HEXD: variants seen among roughly 807,000 people sequenced by gnomAD.
HEXD encodes N-acetyl-beta-galactosaminidase.
Under a neutral mutation model 54.2 loss-of-function variants are expected in HEXD, and 47 were observed. The observed-to-expected ratio is 0.87, with a 90% confidence interval of 0.69 to 1.11. HEXD has a LOEUF of 1.11. Among genes scored for constraint, HEXD ranks in the 50% least tolerant of loss-of-function variants. HEXD has a pLI of 0.00. For missense variants in HEXD, 576 were observed against 649.2 expected (o/e 0.89, Z 1.23); for synonymous variants, 293 against 287.6 (o/e 1.02, Z -0.19).
rs1460292245 is a variant in HEXD, at chr17:82,441,184, C to T, written c.1081C>T (p.Pro361Ser). 3 of 1,613,114 alleles carry T rather than the reference C, an allele frequency of 1.9e-6. No homozygotes were observed. Among genetic ancestry groups the T allele is most frequent in the Non-Finnish European group, 1.7e-6 (2 of 1,179,988 alleles). Residue 361 changes from proline (P) to serine (S), a missense_variant, in exon 11 of 13, where the codon CCT becomes TCT. Pro to Ser is a moderately conservative substitution (Grantham distance 74, BLOSUM62 -1). Coordinates refer to ENST00000327949, the MANE Select transcript of HEXD (RefSeq NM_001330542.2). ...DPVREGAGSF[P>S]GSNILALVTQ... is the part of the protein sequence containing the mutation. The stretch of plus-strand genomic sequence containing the variant: ...CCGCAGGGAGGGGGCCGGCTCCTTC[C>T]CTGGCAGCAACATCCTTGCCCTTGT...
At position 82,439,678 on chromosome 17, in the gene HEXD, C is replaced by G; in HGVS notation, c.947C>G (p.Pro316Arg). The change falls in exon 9 of 13, where the codon CCG becomes CGG. Residue 316 changes from proline (P) to arginine (R), a missense_variant. Coordinates refer to ENST00000327949, the MANE Select transcript of HEXD (RefSeq NM_001330542.2). ...TGCGAGCTGCTGCCCGCAGGAGTCC[C>G]GTCCCTGGCCGCCTGCCTGCAGTTG... ...VLCELLPAGV[P>R]SLAACLQLLL... The G allele has an allele frequency of 6.3e-7, 1 of 1,598,472 alleles. No homozygotes were observed. The highest frequency in any genetic ancestry group is 8.5e-7 in the Non-Finnish European group (1 of 1,177,776).
At chr17:82,435,341 G>C (rs887902891) in intron 5 of HEXD, among the ~76,000 whole-genome samples, 1 of 152,110 alleles carries the variant, frequency 6.6e-6, no homozygotes, top group Non-Finnish European at 1.5e-5. Context: ...GTGCTCCTCC[G>C]GGCTGTCAGC....
rs531245506 is a variant in HEXD, at chr17:82,420,858, A to C, written c.84+975A>C. Among the ~76,000 whole-genome samples the C allele has an allele frequency of 2.6e-5, 4 of 151,982 alleles. No homozygotes were observed. In the South Asian group the frequency reaches 6.2e-4, roughly 24 times the overall value. On this transcript the variant is annotated intron_variant, in intron 2 of 12. Coordinates refer to ENST00000327949, the MANE Select transcript of HEXD (RefSeq NM_001330542.2). ...TAGGATTACAGGTGTGAGCCACCGC[A>C]CCCGGCCAAGCCACCCAGTTTATGG...
Position 82,442,232 on chromosome 17 carries a change from G to A in HEXD, c.1309G>A (p.Ala437Thr). The change falls in exon 13 of 13, where the codon GCT becomes ACT. Residue 437 changes from alanine (A) to threonine (T), a missense_variant. Transcript: ENST00000327949. This position sits in a 1 kb window ranked among gnomAD's most constrained non-coding sequence, Gnocchi z 6.8. ...VQELEAALQL[A>T]FYPDAVEEWL... ...GGAGCTGGAGGCTGCCCTGCAGCTG[G>A]CTTTCTACCCGGATGCCGTGGAGGA... 6.2e-7 allele frequency: 1 copy of A among 1,605,542 alleles called. No homozygotes were observed. Among genetic ancestry groups the A allele is most frequent in the Non-Finnish European group, 8.5e-7 (1 of 1,179,792 alleles).
intron 2 of HEXD, 55 bp downstream of exon 2, chr17:82,419,938 TAA>T: frequency 8.2e-7 from 1 of 1,221,346 alleles, no homozygotes; most frequent in Admixed American, 1.8e-5. Context: ...CTTCATTCTT[TAA>T]AGTTTTGAGC....
rs773422627 is a variant in HEXD at position 82,418,460 on chromosome 17, G to A, written c.-332G>A. On this transcript the variant is annotated 5_prime_UTR_variant, in exon 1 of 13. It introduces an in-frame stop codon into an upstream open reading frame of the 5' UTR. Coordinates refer to ENST00000327949, the MANE Select transcript of HEXD (RefSeq NM_001330542.2). The stretch of plus-strand genomic sequence containing the variant: ...CGCTCCGTTGCCCTCGGGCGCCTTG[G>A]TTGCGGCCCTCCGCTGAGGAGCCAT... 150 of 1,474,938 alleles carry A rather than the reference G, an allele frequency of 1.0e-4. 4 individuals carry two copies. The South Asian group carries it at 1.7e-3, about 17-fold the overall frequency. 91.4% of individuals were successfully genotyped at this position (1,474,938 alleles called of 1,614,324 possible). A position where few individuals can be genotyped will look rare whatever the true frequency, so the allele number is the denominator to read the frequency against.
rs775790043 is a variant in HEXD at position 82,442,515 on chromosome 17, C to T, written c.*131C>T. The T allele has an allele frequency of 2.5e-6, 4 of 1,594,714 alleles. No homozygotes were observed. Among genetic ancestry groups the T allele is most frequent in the Non-Finnish European group, 3.4e-6 (4 of 1,164,394 alleles). ...AGCAGTGTCTTGCCCACACTCAGTT[C>T]CTGAGGGCCCTGGGCAGCCCCTGGG... On this transcript the variant is annotated 3_prime_UTR_variant, in exon 13 of 13. Coordinates refer to ENST00000327949, the MANE Select transcript of HEXD (RefSeq NM_001330542.2). This position sits in a 1 kb window ranked among gnomAD's most constrained non-coding sequence, Gnocchi z 6.8.
chr17:82,419,700 A>G, intron 1 of HEXD, 49 bp from the exon 2 acceptor site: 2 of 698,952 alleles, frequency 2.9e-6, no homozygotes, highest in Non-Finnish European at 5.0e-6. Context: ...GAGAAAGGCA[A>G]AGGGAGAAGC....
In HEXD at chr17:82,441,238, T is replaced by C; in HGVS notation, c.1135T>C (p.Ser379Pro). 1 of 1,612,408 alleles carries C rather than the reference T, an allele frequency of 6.2e-7. No homozygotes were observed. The highest frequency in any genetic ancestry group is 8.5e-7 in the Non-Finnish European group (1 of 1,179,802). The change falls in exon 11 of 13, where the codon TCT becomes CCT. Residue 379 changes from serine to proline, a missense_variant. Ser to Pro is a moderately conservative substitution (Grantham distance 74). Transcript: ENST00000327949. ...VTQVSLHLRSSVDALLEGNRY... is the reference protein window; with the variant it reads ...VTQVSLHLRSPVDALLEGNRY... Reference sequence around the variant, plus strand: ...ACAAGTCAGCCTCCATCTGCGCAGCTCTGTGGATGCGCTGCTGGAGGGCAA... The same window carrying C: ...ACAAGTCAGCCTCCATCTGCGCAGCCCTGTGGATGCGCTGCTGGAGGGCAA...
In HEXD at chr17:82,439,726, T is replaced by C. The variant is rs760058218; in HGVS notation, c.982+13T>C. The C allele has an allele frequency of 3.1e-6, 5 of 1,599,304 alleles. No homozygotes were observed. The highest frequency in any genetic ancestry group is 3.4e-6 in the Non-Finnish European group (4 of 1,179,694). ...TTGCTTCTACGCGGTATGTCTGGTC[T>C]GGCCACCCCAAGCCCCACCGGCCCC... On this transcript the variant is annotated intron_variant, in intron 9 of 12. Coordinates refer to ENST00000327949, the MANE Select transcript of HEXD (RefSeq NM_001330542.2).
Position 82,439,723 on chromosome 17 carries a change from G to C in HEXD, c.982+10G>C. 6.3e-7 allele frequency: 1 copy of C among 1,599,578 alleles called. No homozygotes were observed. Among genetic ancestry groups the C allele is most frequent in the African/African-American group, 1.3e-5 (1 of 75,026 alleles). On this transcript the variant is annotated intron_variant, in intron 9 of 12. Transcript: ENST00000327949. The stretch of plus-strand genomic sequence containing the variant: ...CAGTTGCTTCTACGCGGTATGTCTG[G>C]TCTGGCCACCCCAAGCCCCACCGGC...
chr17:82,425,393 G>A, intron 3 of HEXD: 1 of 172,588 alleles, frequency 5.8e-6, no homozygotes, highest in East Asian at 1.8e-4. Context: ...GGAGGCTGTA[G>A]AAGGCTGAGC....
chr17:82,428,821 A>G (rs2053496331), intron 4 of HEXD, among the ~76,000 whole-genome samples, 176 bp downstream of exon 4: 1 of 152,186 alleles, frequency 6.6e-6, no homozygotes, highest in Admixed American at 6.5e-5. Context: ...TGACTCGGCC[A>G]GAGCTGCAGG....
In HEXD at chr17:82,440,136, G is replaced by C. The variant is rs755433618; in HGVS notation, c.982+423G>C. 5.4e-6 allele frequency: 7 copies of C among 1,293,876 alleles called. No homozygotes were observed. In the South Asian group the frequency reaches 8.6e-5, roughly 16 times the overall value. The allele number at this position is 1,293,876 out of a possible 1,614,324, so 80.1% of individuals were successfully genotyped here. Reference sequence around the variant, plus strand: ...TTCCAGGTCTCCTGAGGGAGCAGCGGGACCCATGGGCAGGGGCAGGCACCG... The same window carrying C: ...TTCCAGGTCTCCTGAGGGAGCAGCGCGACCCATGGGCAGGGGCAGGCACCG... On this transcript the variant is annotated intron_variant, in intron 9 of 12. Coordinates refer to ENST00000327949, the MANE Select transcript of HEXD (RefSeq NM_001330542.2).
chr17:82,433,077 GA>G (rs71168108), intron 4 of HEXD, among the ~76,000 whole-genome samples: 465 of 7,826 alleles, frequency 0.059, 44 homozygotes, highest in African/African-American at 0.11. Context: ...AAAAAAAAAA[GA>G]AAAAAAAAAA....
At chr17:82,440,386 A>C (rs1447581921) in intron 9 of HEXD, 2 of 1,104,756 alleles carry the variant, frequency 1.8e-6, no homozygotes, top group Non-Finnish European at 2.3e-6. Flanking sequence ...CTGACTCTCA[A>C]CTGCTTAGAA....
chr17:82,424,004 A>G (rs1224635472), intron 2 of HEXD, among the ~76,000 whole-genome samples: 1 of 129,176 alleles, frequency 7.7e-6, no homozygotes, highest in African/African-American at 3.0e-5. Flanking sequence ...ATGCCTTGCC[A>G]TTCTCCTTCA....
At position 82,440,979 on chromosome 17, in the gene HEXD, G is replaced by C; in HGVS notation, c.983-18G>C. On this transcript the variant is annotated intron_variant, in intron 9 of 12. Transcript: ENST00000327949. ...CTCCAGAGGCCCCTCCAACCGCCCC[G>C]CTCATTTGTGATTTCAGGAGGATTT... The C allele has an allele frequency of 1.2e-6, 2 of 1,612,946 alleles. No individual in the cohort carries two copies. The highest frequency in any genetic ancestry group is 2.2e-5 in the South Asian group (2 of 91,064).
intron 8 of HEXD, 31 bp downstream of exon 8, chr17:82,437,394 T>C: frequency 6.6e-7 from 1 of 1,523,764 alleles, no homozygotes; most frequent in Non-Finnish European, 8.8e-7. Flanking sequence ...CCTCAGAGGG[T>C]CCAGGGCAGC....
Sources: allele counts gnomAD v4.1 joint callset (sites outside exome capture counted in the v4.1 genomes callset), GRCh38; gene constraint gnomAD v4.1.1; non-coding constraint Gnocchi (gnomAD v3.1); transcripts MANE v1.5; gene names NCBI Gene and HGNC (gene_info 2026-07-23, HGNC 2026-07-21).